THSD7B: variants seen among roughly 807,000 people sequenced by gnomAD.
THSD7B encodes thrombospondin type 1 domain containing 7B.
Under a neutral mutation model 213.6 loss-of-function variants are expected in THSD7B, and 138 were observed. That is an observed-to-expected ratio of 0.65 (90% confidence interval 0.56 to 0.74). The LOEUF (loss-of-function observed/expected upper bound fraction) is 0.74. Among genes scored for constraint, THSD7B ranks in the 30% least tolerant of loss-of-function variants. The pLI is 0.00. For missense variants in THSD7B, 1,931 were observed against 1,991.5 expected, an observed-to-expected ratio of 0.97 and a Z score of 0.58; for synonymous variants, 742 against 687.0, an observed-to-expected ratio of 1.08 and a Z score of -1.25.
At chr2:136,997,040 G>A (rs531871975) in intron 2 of THSD7B, among the ~76,000 whole-genome samples, 37 of 152,272 alleles carry the variant, frequency 2.4e-4, no homozygotes, top group African/African-American at 8.4e-4. Context: ...GAAATACAGT[G>A]TAATAATGTA....
intron 10 of THSD7B, among the ~76,000 whole-genome samples, chr2:137,267,797 T>C (rs1365860506): frequency 6.6e-6 from 1 of 152,242 alleles, no homozygotes; most frequent in African/African-American, 2.4e-5. Context: ...AAACATTTAA[T>C]ATGTTTTACA....
intron 26 of THSD7B, among the ~76,000 whole-genome samples, chr2:137,666,537 T>C (rs867124923): frequency 0.065 from 9,504 of 145,254 alleles, 383 homozygotes; most frequent in Non-Finnish European, 0.093. Flanking sequence ...TTGATTGATT[T>C]CCCCCCCCCA....
At chr2:137,658,142 C>T (rs1482672772) in intron 24 of THSD7B, among the ~76,000 whole-genome samples, 1 of 152,174 alleles carries the variant, frequency 6.6e-6, no homozygotes, top group Non-Finnish European at 1.5e-5. Context: ...GTCAGCTCCT[C>T]CTTTTTCTTG....
intron 15 of THSD7B, among the ~76,000 whole-genome samples, chr2:137,458,029 C>G (rs1584797): frequency 0.96 from 146,719 of 152,188 alleles, 70,929 homozygotes; most frequent in Non-Finnish European, 1. Context: ...CTTTCAAGAT[C>G]TTTTTAAGAT....
chr2:137,510,038 A>T (rs1679927369), intron 15 of THSD7B, among the ~76,000 whole-genome samples: 1 of 152,102 alleles, frequency 6.6e-6, no homozygotes, highest in South Asian at 2.1e-4. Context: ...GTCTCTTGTT[A>T]ATATTAAATA....
At chr2:137,556,727 C>T (rs918014071) in intron 15 of THSD7B, among the ~76,000 whole-genome samples, 5 of 152,056 alleles carry the variant, frequency 3.3e-5, no homozygotes, top group African/African-American at 1.2e-4. Context: ...CTAAATGCTC[C>T]AATTAAAAGA....
At chr2:136,923,583 A>G (rs1262936928) in intron 2 of THSD7B, among the ~76,000 whole-genome samples, 1 of 152,148 alleles carries the variant, frequency 6.6e-6, no homozygotes, top group East Asian at 1.9e-4. Flanking sequence ...AAAATCATAC[A>G]AGGGTTCCAA....
At chr2:137,107,780 C>T (rs188551084) in intron 4 of THSD7B, among the ~76,000 whole-genome samples, 23 of 152,234 alleles carry the variant, frequency 1.5e-4, no homozygotes, top group East Asian at 3.9e-4. Context: ...CTGTATATGG[C>T]GATAGAAGTC....
At chr2:136,889,389 A>G (rs761375849) in intron 2 of THSD7B, among the ~76,000 whole-genome samples, 17 of 152,130 alleles carry the variant, frequency 1.1e-4, no homozygotes, top group Non-Finnish European at 2.1e-4. Context: ...TAGATATTAG[A>G]TAGTTCCTAT....
intron 12 of THSD7B, among the ~76,000 whole-genome samples, chr2:137,404,686 T>C (rs1341518197): frequency 6.6e-6 from 1 of 151,424 alleles, no homozygotes; most frequent in Non-Finnish European, 1.5e-5. Flanking sequence ...TAAAAAGGAA[T>C]GAATTAACAG....
intron 14 of THSD7B, among the ~76,000 whole-genome samples, chr2:137,443,683 T>C (rs1430601143): frequency 6.6e-6 from 1 of 152,092 alleles, no homozygotes; most frequent in African/African-American, 2.4e-5. Flanking sequence ...CTTCTGACTA[T>C]AAAATGAAGT....
At chr2:137,091,422 T>G (rs1221575691) in intron 3 of THSD7B, among the ~76,000 whole-genome samples, 2 of 152,252 alleles carry the variant, frequency 1.3e-5, no homozygotes, top group East Asian at 3.8e-4. Context: ...AAAACTCTTT[T>G]ACATTTCTGC....
intron 2 of THSD7B, among the ~76,000 whole-genome samples, chr2:136,939,514 A>C (rs1366959441): frequency 6.6e-6 from 1 of 152,032 alleles, no homozygotes; most frequent in Non-Finnish European, 1.5e-5. Flanking sequence ...TTTATGGGAG[A>C]ATTCCTGTCA....
chr2:136,862,790 A>G (rs1428625311), intron 1 of THSD7B, among the ~76,000 whole-genome samples: 1 of 152,210 alleles, frequency 6.6e-6, no homozygotes, highest in Non-Finnish European at 1.5e-5. Context: ...ATATGAGCAG[A>G]CTACAAAACT....
intron 2 of THSD7B, among the ~76,000 whole-genome samples, chr2:136,965,169 A>G (rs1415301969): frequency 6.6e-6 from 1 of 152,106 alleles, no homozygotes; most frequent in Non-Finnish European, 1.5e-5. Context: ...CTTTGTCTTC[A>G]TATTATCTGC....
chr2:137,653,104 C>T (rs537441355), intron 21 of THSD7B, among the ~76,000 whole-genome samples: 52 of 146,540 alleles, frequency 3.5e-4, no homozygotes, highest in Admixed American at 3.5e-3. Context: ...TAGCATTTCT[C>T]ATAAGTCTGG....
chr2:137,200,811 C>T (rs536546662), intron 7 of THSD7B, among the ~76,000 whole-genome samples: 13 of 150,480 alleles, frequency 8.6e-5, no homozygotes, highest in African/African-American at 1.2e-4. Context: ...GCTGGGGCTA[C>T]AGGCACATGC....
intron 2 of THSD7B, among the ~76,000 whole-genome samples, chr2:136,938,104 GT>G (rs1684763379): frequency 6.6e-6 from 1 of 152,150 alleles, no homozygotes; most frequent in Admixed American, 6.6e-5. Context: ...GACTTGGGCT[GT>G]GCTTTGGAAT....
intron 7 of THSD7B, among the ~76,000 whole-genome samples, chr2:137,220,561 A>G (rs563614231): frequency 6.4e-4 from 97 of 152,194 alleles, no homozygotes; most frequent in Non-Finnish European, 1.2e-3. Flanking sequence ...GGTGTAGAAC[A>G]GTTAGAGCAA....
Sources: gnomAD v4.1 joint callset for allele counts (sites outside exome capture counted in the v4.1 genomes callset) on GRCh38, gnomAD v4.1.1 for gene constraint, MANE v1.5 for transcripts, NCBI Gene and HGNC (gene_info 2026-07-23, HGNC 2026-07-21) for gene names.